The following NUDT13 variants were observed in gnomAD, a reference collection of about 807,000 sequenced individuals.
NUDT13 encodes NAD(P)H pyrophosphatase NUDT13, mitochondrial.
Under a neutral mutation model 41.7 loss-of-function variants are expected in NUDT13, and 40 were observed. The observed-to-expected ratio is 0.96, with a 90% CI of 0.75 to 1.25. The LOEUF is 1.25. Among genes scored for constraint, NUDT13 ranks in the 50% most tolerant of loss-of-function variants. The pLI is 0.00. For synonymous variants in NUDT13, 145 were observed against 155.5 expected, an observed-to-expected ratio of 0.93 and a Z score of 0.50; for missense variants, 390 against 416.1, an observed-to-expected ratio of 0.94 and a Z score of 0.55.
At chr10:73,127,637 C>A in intron 8 of NUDT13, among the ~76,000 whole-genome samples, 1 of 151,240 alleles carries the variant, frequency 6.6e-6, no homozygotes, top group Non-Finnish European at 1.5e-5. Context: ...AAGTATATAC[C>A]CTTGAAATTA....
intron 2 of NUDT13, among the ~76,000 whole-genome samples, chr10:73,118,832 C>T (rs1279565777): frequency 6.6e-6 from 1 of 151,538 alleles, no homozygotes; most frequent in Non-Finnish European, 1.5e-5. Flanking sequence ...ATTAGCTGGG[C>T]ATGGTGGGGC....
At chr10:73,122,487 G>A (rs750422256) in intron 4 of NUDT13, among the ~76,000 whole-genome samples, 178 bp downstream of exon 4, 1 of 152,082 alleles carries the variant, frequency 6.6e-6, no homozygotes, top group African/African-American at 2.4e-5. Context: ...TGACAATAAA[G>A]GACATTTTAA....
chr10:73,124,092 C>CA, intron 4 of NUDT13, 122 bp from the exon 5 acceptor site: 1 of 664,328 alleles, frequency 1.5e-6, no homozygotes, highest in Non-Finnish European at 2.7e-6. Context: ...ACACGCCCCC[C>CA]ACACCTAGCT....
Position 73,125,482 on chromosome 10 carries a change from T to G in NUDT13, c.676T>G (p.Ser226Ala). 6.2e-7 allele frequency: 1 copy of G among 1,607,470 alleles called. No individual in the cohort carries two copies. Among genetic ancestry groups the G allele is most frequent in the Non-Finnish European group, 8.5e-7 (1 of 1,177,190 alleles). The change falls in exon 7 of 9, where the codon TCT becomes GCT. Residue 226 changes from serine to alanine, a missense_variant. Transcript: ENST00000357321. The stretch of plus-strand genomic sequence containing the variant: ...AAGCTCCTTTCCCAAGGGAATGTAT[T>G]CTGCCTTGGCAGGTTTTTGTGATAT... ...RQSSFPKGMY[S>A]ALAGFCDIGE...
chr10:73,126,900 T>A, intron 8 of NUDT13, 73 bp downstream of exon 8: 10 of 1,278,876 alleles, frequency 7.8e-6, no homozygotes, highest in African/African-American at 1.5e-5. Flanking sequence ...CAAGTACTTA[T>A]TAAGCACTTG....
In NUDT13 at chr10:73,120,118, T is replaced by C; in HGVS notation, c.184T>C (p.Ser62Pro). 6.2e-7 allele frequency: 1 copy of C among 1,614,178 alleles called. No homozygotes were observed. The highest frequency in any genetic ancestry group is 8.5e-7 in the Non-Finnish European group (1 of 1,180,010). Reference sequence around the variant, plus strand: ...TAGTCTGGCTCCTCTGCTTCAGACTTCAGCACATCAATACCTGGCCCCCCG... The same window carrying C: ...TAGTCTGGCTCCTCTGCTTCAGACTCCAGCACATCAATACCTGGCCCCCCG... ...FHSLAPLLQTSAHQYLAPRHS... is the reference protein window; with the variant it reads ...FHSLAPLLQTPAHQYLAPRHS... Residue 62 changes from serine (S) to proline (P), a missense_variant, in exon 3 of 9, where the codon TCA becomes CCA. Transcript: ENST00000357321.
chr10:73,121,507 A>G (rs572652020), intron 3 of NUDT13, among the ~76,000 whole-genome samples: 34 of 152,270 alleles, frequency 2.2e-4, no homozygotes, highest in African/African-American at 8.2e-4. Flanking sequence ...TTCATGAACA[A>G]GTGTATAGGA....
intron 4 of NUDT13, among the ~76,000 whole-genome samples, chr10:73,122,892 G>A (rs1428035850): frequency 7.3e-6 from 1 of 136,328 alleles, no homozygotes; most frequent in Non-Finnish European, 1.6e-5. Flanking sequence ...TATACATTTT[G>A]TATATTTCTT....
intron 3 of NUDT13, 127 bp downstream of exon 3, chr10:73,120,284 C>T: frequency 1.1e-6 from 1 of 876,444 alleles, no homozygotes; most frequent in Non-Finnish European, 1.7e-6. Context: ...TTTTGAGTCT[C>T]ATGCTTGTAT....
At chr10:73,111,488 A>T (rs1842367013) in intron 1 of NUDT13, among the ~76,000 whole-genome samples, 1 of 152,130 alleles carries the variant, frequency 6.6e-6, no homozygotes, top group African/African-American at 2.4e-5. Context: ...AGTACTTTAT[A>T]ATCTTTCTTC....
intron 6 of NUDT13, 72 bp from the exon 7 acceptor site, chr10:73,125,326 A>C: frequency 6.2e-7 from 1 of 1,602,530 alleles, no homozygotes; most frequent in Non-Finnish European, 8.5e-7. Context: ...GCAATTCCTT[A>C]ATTATACACT....
chr10:73,130,855 G>T lies in NUDT13; in HGVS notation c.1011G>T (p.Leu337=). The T allele has an allele frequency of 2.5e-6, 4 of 1,613,912 alleles. No individual in the cohort carries two copies. Among genetic ancestry groups the T allele is most frequent in the Non-Finnish European group, 3.4e-6 (4 of 1,179,928 alleles). The change falls in exon 9 of 9, where the codon CTG becomes CTT. Residue 337 remains leucine (L), a synonymous_variant. Coordinates refer to ENST00000357321, the MANE Select transcript of NUDT13 (RefSeq NM_015901.6). ...CTAAGTTAGCCATCTCCCACCAACT[G>T]ATTAAGGAGTGGGTGGAAAAACAGA... The part of the protein sequence containing the change: ...LPPKLAISHQ[L]IKEWVEKQTC...
rs373569335 is a variant in NUDT13, at chr10:73,125,190, G to A, written c.538G>A (p.Val180Met). ...AAGTGGGCAGCCCACCAAGAAGAAC[G>A]TGGCTGGCAGCAAGCGTGTGTGCCC... ...SRSGQPTKKN[V>M]AGSKRVCPSN... Residue 180 changes from valine (V) to methionine (M), a missense_variant, in exon 6 of 9, where the codon GTG becomes ATG. By Grantham distance (21) the Val-to-Met change is conservative. Transcript: ENST00000357321. 1.2e-5 allele frequency: 20 copies of A among 1,613,466 alleles called. No individual in the cohort carries two copies. Among genetic ancestry groups the A allele is most frequent in the East Asian group, 4.5e-5 (2 of 44,878 alleles).
chr10:73,116,568 G>A (rs979560097), intron 2 of NUDT13, among the ~76,000 whole-genome samples: 83 of 151,884 alleles, frequency 5.5e-4, no homozygotes, highest in African/African-American at 1.8e-3. Flanking sequence ...GCATGGTGAA[G>A]CCGTCTCTAC....
intron 5 of NUDT13, chr10:73,124,587 A>G (rs973891717): frequency 5.8e-5 from 23 of 399,206 alleles, no homozygotes; most frequent in African/African-American, 4.2e-4. Context: ...CCTCATAAAC[A>G]TTTTTAATGA....
At chr10:73,126,611 G>A in intron 7 of NUDT13, 62 bp from the exon 8 acceptor site, 1 of 1,568,278 alleles carries the variant, frequency 6.4e-7, no homozygotes, top group South Asian at 1.2e-5. Context: ...TTTCTCAAAT[G>A]GGCTGTCTGT....
intron 1 of NUDT13, among the ~76,000 whole-genome samples, chr10:73,114,094 T>C (rs1225481823): frequency 1.3e-5 from 2 of 152,204 alleles, no homozygotes; most frequent in Non-Finnish European, 2.9e-5. Flanking sequence ...CAGGATTCCT[T>C]CTACTTCATT....
chr10:73,131,141 CA>C lies in NUDT13; in HGVS notation c.*239del, dbSNP rs1842908555. 2.5e-6 allele frequency: 1 copy of C among 406,018 alleles called. No individual in the cohort carries two copies. The highest frequency in any genetic ancestry group is 2.0e-5 in the African/African-American group (1 of 49,480). The allele number at this position is 406,018 out of a possible 1,614,324, so 25.2% of individuals were successfully genotyped here. A position where few individuals can be genotyped will look rare whatever the true frequency, so the allele number is the denominator to read the frequency against. Reference sequence around the variant, plus strand: ...TGATGAGCTGTCAACTGTCAAAAATCAGGGGGAAGGGGGAAGCATTAGTTTG... The same window carrying C: ...TGATGAGCTGTCAACTGTCAAAAATCGGGGGAAGGGGGAAGCATTAGTTTG... On this transcript the variant is annotated 3_prime_UTR_variant, in exon 9 of 9. Coordinates refer to ENST00000357321, the MANE Select transcript of NUDT13 (RefSeq NM_015901.6).
chr10:73,114,790 G>A (rs1036112903), intron 2 of NUDT13, among the ~76,000 whole-genome samples: 3 of 151,786 alleles, frequency 2.0e-5, no homozygotes, highest in African/African-American at 4.8e-5. Context: ...ATCTGATTGC[G>A]GGTCCAAAGA....
Sources: allele counts gnomAD v4.1 joint callset (sites outside exome capture counted in the v4.1 genomes callset), GRCh38; gene constraint gnomAD v4.1.1; transcripts MANE v1.5; gene names NCBI Gene and HGNC (gene_info 2026-07-23, HGNC 2026-07-21).